TMEM132D: variants seen among roughly 807,000 people sequenced by gnomAD.
TMEM132D encodes mature OL transmembrane protein.
In TMEM132D, 21 loss-of-function variants were observed where a neutral mutation model predicts 62.3. The ratio of observed to expected loss-of-function variants is 0.34; its 90% CI spans 0.24 to 0.49. TMEM132D has a LOEUF of 0.49. TMEM132D is among the 20% of genes least tolerant of loss of function. TMEM132D has a pLI of 0.99. For synonymous variants in TMEM132D, 621 were observed against 575.6 expected (o/e 1.08, Z -1.13); for missense variants, 1,346 against 1,402.8 (o/e 0.96, Z 0.65).
intron 3 of TMEM132D, among the ~76,000 whole-genome samples, chr12:129,342,812 A>G (rs1261092123): frequency 3.3e-5 from 5 of 152,222 alleles, no homozygotes; most frequent in Non-Finnish European, 7.3e-5. Flanking sequence ...GTAGCCAAAA[A>G]ACACATGAAA....
intron 3 of TMEM132D, among the ~76,000 whole-genome samples, chr12:129,463,540 T>C (rs946016635): frequency 2.6e-5 from 4 of 151,838 alleles, no homozygotes; most frequent in African/African-American, 9.7e-5. Flanking sequence ...TTGTTACATA[T>C]GTATACATGT....
intron 1 of TMEM132D, among the ~76,000 whole-genome samples, chr12:129,860,976 C>G (rs1475605159): frequency 6.6e-6 from 1 of 152,172 alleles, no homozygotes; most frequent in Non-Finnish European, 1.5e-5. Context: ...AACTACAATT[C>G]AAGATGAGAT....
At chr12:129,360,678 G>T (rs375013626) in intron 3 of TMEM132D, among the ~76,000 whole-genome samples, 1 of 152,122 alleles carries the variant, frequency 6.6e-6, no homozygotes, top group African/African-American at 2.4e-5. Flanking sequence ...GGTTTGCAGC[G>T]GGAATGCTCT....
At chr12:129,366,289 T>C (rs1870410358) in intron 3 of TMEM132D, among the ~76,000 whole-genome samples, 1 of 152,284 alleles carries the variant, frequency 6.6e-6, no homozygotes, top group Non-Finnish European at 1.5e-5. Context: ...GATTGGATCA[T>C]AGGGGTGGAT....
At chr12:129,846,764 T>C (rs1873376131) in intron 1 of TMEM132D, among the ~76,000 whole-genome samples, 1 of 152,260 alleles carries the variant, frequency 6.6e-6, no homozygotes, top group African/African-American at 2.4e-5. Context: ...TTTTTAACTT[T>C]GGTTATTCTA....
At chr12:129,194,772 T>G (rs919460695) in intron 5 of TMEM132D, among the ~76,000 whole-genome samples, 10 of 152,182 alleles carry the variant, frequency 6.6e-5, no homozygotes, top group Admixed American at 4.6e-4. Flanking sequence ...AGTATACAGG[T>G]GTCTCCTTAT....
chr12:129,289,644 A>G (rs543017004), intron 4 of TMEM132D, among the ~76,000 whole-genome samples: 49 of 152,122 alleles, frequency 3.2e-4, no homozygotes, highest in Non-Finnish European at 6.5e-4. Context: ...TCCAAAAAGC[A>G]CAACTTGACT....
At chr12:129,601,187 C>G (rs1878472966) in intron 2 of TMEM132D, among the ~76,000 whole-genome samples, 1 of 152,342 alleles carries the variant, frequency 6.6e-6, no homozygotes, top group African/African-American at 2.4e-5. Context: ...GAGATGGCAT[C>G]TTTTCTTAAA....
intron 5 of TMEM132D, among the ~76,000 whole-genome samples, chr12:129,153,695 G>A (rs1035137068): frequency 6.6e-6 from 1 of 152,116 alleles, no homozygotes; most frequent in Non-Finnish European, 1.5e-5. Context: ...AGAACCCCAA[G>A]CTCAGTGGTT....
chr12:129,342,512 T>A (rs1476079327), intron 3 of TMEM132D, among the ~76,000 whole-genome samples: 1 of 152,084 alleles, frequency 6.6e-6, no homozygotes, highest in Non-Finnish European at 1.5e-5. Context: ...GACATAGGCA[T>A]GGGCAAGGAC....
chr12:129,429,307 A>G (rs1872585028), intron 3 of TMEM132D, among the ~76,000 whole-genome samples: 1 of 152,248 alleles, frequency 6.6e-6, no homozygotes, highest in Admixed American at 6.5e-5. Flanking sequence ...TGCCATTCAC[A>G]GAAACCACTC....
chr12:129,391,663 A>G (rs1399731306), intron 3 of TMEM132D, among the ~76,000 whole-genome samples: 3 of 152,198 alleles, frequency 2.0e-5, no homozygotes, highest in African/African-American at 4.8e-5. Flanking sequence ...GCAGTGCTTT[A>G]AAAACAAAAA....
intron 2 of TMEM132D, among the ~76,000 whole-genome samples, chr12:129,605,589 A>ATATATATATATATATATATATATC: frequency 1.7e-5 from 1 of 58,806 alleles, no homozygotes; most frequent in Admixed American, 1.5e-4. Flanking sequence ...ATTAGGCATT[A>ATATATATATATATATATATATATC]TATATATATA....
intron 1 of TMEM132D, among the ~76,000 whole-genome samples, chr12:129,881,866 T>A (rs933813428): frequency 1.3e-5 from 2 of 151,704 alleles, no homozygotes; most frequent in Admixed American, 1.3e-4. Context: ...CAGATAAAAT[T>A]CATAAATCTC....
At chr12:129,816,174 CA>C (rs1333750908) in intron 1 of TMEM132D, among the ~76,000 whole-genome samples, 2 of 152,108 alleles carry the variant, frequency 1.3e-5, no homozygotes, top group Non-Finnish European at 2.9e-5. Flanking sequence ...TTCAACACTT[CA>C]AAAATATATT....
intron 4 of TMEM132D, among the ~76,000 whole-genome samples, chr12:129,281,889 G>T (rs1246548567): frequency 6.6e-6 from 1 of 152,156 alleles, no homozygotes; most frequent in Non-Finnish European, 1.5e-5. Flanking sequence ...AAAAGACCAG[G>T]TGTCTTTCCT....
chr12:129,653,110 G>C (rs757660872), intron 2 of TMEM132D, among the ~76,000 whole-genome samples: 1 of 152,202 alleles, frequency 6.6e-6, no homozygotes, highest in Non-Finnish European at 1.5e-5. Context: ...GCCCAACCGT[G>C]TGAAGGGAAG....
chr12:129,230,105 A>G (rs1024036246), intron 4 of TMEM132D, among the ~76,000 whole-genome samples: 2 of 152,246 alleles, frequency 1.3e-5, no homozygotes, highest in African/African-American at 4.8e-5. Flanking sequence ...TAAATTGGTC[A>G]CAGTCACCCA....
chr12:129,315,760 G>C (rs1868467848), intron 4 of TMEM132D, among the ~76,000 whole-genome samples: 1 of 152,088 alleles, frequency 6.6e-6, no homozygotes, highest in African/African-American at 2.4e-5. Flanking sequence ...TGCTGTGAAA[G>C]TGTCTGGTCT....
Sources: allele counts gnomAD v4.1 joint callset (sites outside exome capture counted in the v4.1 genomes callset), GRCh38; gene constraint gnomAD v4.1.1; transcripts MANE v1.5; gene names NCBI Gene and HGNC (gene_info 2026-07-23, HGNC 2026-07-21).